The following DAB2IP variants were observed in gnomAD, a reference collection of about 807,000 sequenced individuals.
The protein encoded by DAB2IP is disabled homolog 2-interacting protein.
In DAB2IP, 28 loss-of-function variants were observed where a neutral mutation model predicts 107.2. That is an observed-to-expected ratio of 0.26 (90% CI 0.19 to 0.36). The LOEUF (loss-of-function observed/expected upper bound fraction) is 0.36. DAB2IP is among the 10% of genes least tolerant of loss of function. The pLI is 1.00. For synonymous variants in DAB2IP, 755 were observed against 706.4 expected (o/e 1.07, Z -1.09); for missense variants, 1,400 against 1,644.7 (o/e 0.85, Z 2.57).
chr9:121,764,449 G>A lies in DAB2IP; in HGVS notation c.1460+570G>A, dbSNP rs377719743. ...CTTAGACAGGCCCCTCAGCAGGACC[G>A]GAATCAGTCCCGGAGAAACTTGCGG... On this transcript the variant is annotated intron_variant, in intron 8 of 15. Coordinates refer to ENST00000408936, the Ensembl canonical transcript of DAB2IP. Among the ~76,000 whole-genome samples the A allele has an allele frequency of 3.9e-5, 6 of 152,360 alleles. No individual in the cohort carries two copies. In the East Asian group the frequency reaches 9.6e-4, roughly 24 times the overall value.
Position 121,782,831 on chromosome 9 carries a change from C to T in DAB2IP, c.*333C>T. On this transcript the variant is annotated 3_prime_UTR_variant, in exon 16 of 16. Transcript: ENST00000408936. This position sits in a 1 kb window ranked among gnomAD's most constrained non-coding sequence, Gnocchi z 6.1. ...TGTGTCCTTGTCCTCCTGGATCTGG[C>T]CGAGTGCATGTGTCCCCCCACACCT... is the stretch of plus-strand genomic sequence containing the variant. 8.9e-7 allele frequency: 1 copy of T among 1,126,468 alleles called. No homozygotes were observed. Among genetic ancestry groups the T allele is most frequent in the Non-Finnish European group, 1.1e-6 (1 of 917,046 alleles). 69.8% of individuals were successfully genotyped at this position (1,126,468 alleles called of 1,614,324 possible).
At chr9:121,656,333 C>T (rs1468545506) in intron 1 of DAB2IP, among the ~76,000 whole-genome samples, 6 of 152,148 alleles carry the variant, frequency 3.9e-5, no homozygotes, top group Non-Finnish European at 7.3e-5. Context: ...ATAAGGTCTG[C>T]AAGAGGCCTC....
chr9:121,629,419 C>T (rs1047669076), intron 1 of DAB2IP, among the ~76,000 whole-genome samples: 2 of 152,144 alleles, frequency 1.3e-5, no homozygotes, highest in South Asian at 2.1e-4. Flanking sequence ...TGGGTGTGTC[C>T]TCATGGCGCC....
At chr9:121,781,498 C>T in exon 15 of DAB2IP, 1 of 1,614,046 alleles carries the variant, frequency 6.2e-7, no homozygotes, top group East Asian at 2.2e-5. Flanking sequence ...GAAGAAGGAC[C>T]ACGCAGAGAT....
At chr9:121,578,448 G>A (rs532823897) in intron 1 of DAB2IP, among the ~76,000 whole-genome samples, 56 of 151,816 alleles carry the variant, frequency 3.7e-4, no homozygotes, top group Non-Finnish European at 4.9e-4. Flanking sequence ...GGCCTACCGT[G>A]CCCGGCAGCA....
rs549488708 is a variant in DAB2IP, at chr9:121,623,009, C to T, written c.41-55669C>T. ...GCATGTGGGTGCCTGGGGGTGTGCA[C>T]GTGGGGCACCCTGGGTCCTATCTGC... On this transcript the variant is annotated intron_variant, in intron 1 of 16. Coordinates refer to the DAB2IP transcript ENST00000259371. 5.3e-5 allele frequency among the ~76,000 whole-genome samples: 8 copies of T among 152,308 alleles called. No individual in the cohort carries two copies. The East Asian group carries it at 7.7e-4, about 15-fold the overall frequency.
chr9:121,690,837 G>A (rs1186478755), intron 2 of DAB2IP, among the ~76,000 whole-genome samples: 1 of 152,150 alleles, frequency 6.6e-6, no homozygotes, highest in Non-Finnish European at 1.5e-5. Context: ...AGGTGGTGGT[G>A]TATAACTTGG....
At chr9:121,668,767 G>A (rs1018718592) in intron 1 of DAB2IP, among the ~76,000 whole-genome samples, 2 of 152,048 alleles carry the variant, frequency 1.3e-5, no homozygotes, top group African/African-American at 2.4e-5. Context: ...CAAAGAGAAC[G>A]TCTGATAACA....
intron 1 of DAB2IP, among the ~76,000 whole-genome samples, chr9:121,623,517 C>T (rs756147944): frequency 1.3e-5 from 2 of 151,966 alleles, no homozygotes; most frequent in Non-Finnish European, 2.9e-5. Flanking sequence ...CAAGCATGCA[C>T]CACCACACCT....
chr9:121,610,261 C>T (rs933830937), intron 1 of DAB2IP, among the ~76,000 whole-genome samples: 5 of 152,184 alleles, frequency 3.3e-5, no homozygotes, highest in Non-Finnish European at 5.9e-5. Context: ...ATTTGCTCTG[C>T]CTCACATTGG....
chr9:121,586,822 T>G (rs533223225), intron 1 of DAB2IP, among the ~76,000 whole-genome samples: 2 of 151,632 alleles, frequency 1.3e-5, no homozygotes, highest in East Asian at 3.9e-4. Context: ...AAAAAAAAAT[T>G]GCAGTGACCT....
At chr9:121,708,026 T>TA (rs1338917077) in intron 3 of DAB2IP, among the ~76,000 whole-genome samples, 2 of 152,292 alleles carry the variant, frequency 1.3e-5, no homozygotes, top group East Asian at 3.9e-4. Context: ...GGACACCTGA[T>TA]AAAATGCAGA....
At chr9:121,598,824 C>T (rs570140104) in intron 1 of DAB2IP, among the ~76,000 whole-genome samples, 4 of 152,386 alleles carry the variant, frequency 2.6e-5, no homozygotes, top group African/African-American at 9.6e-5. Context: ...CCCGCCACCA[C>T]GGTCCGAAAA....
intron 1 of DAB2IP, among the ~76,000 whole-genome samples, chr9:121,653,526 T>C (rs908674046): frequency 6.6e-6 from 1 of 152,158 alleles, no homozygotes; most frequent in Non-Finnish European, 1.5e-5. Flanking sequence ...ACCTGCCGTA[T>C]GTGGAGGATT....
chr9:121,781,607 G>GC, intron 15 of DAB2IP, 56 bp downstream of exon 15: 2 of 1,520,702 alleles, frequency 1.3e-6, no homozygotes, highest in African/African-American at 4.2e-5. Context: ...GGGATTAGGA[G>GC]GGGTGACTAG....
At chr9:121,758,856 T>C in intron 4 of DAB2IP, 42 bp from the exon 5 acceptor site, 1 of 1,579,276 alleles carries the variant, frequency 6.3e-7, no homozygotes, top group South Asian at 1.1e-5. Flanking sequence ...GCCCTTGCTG[T>C]GGTCCCTTCC....
chr9:121,731,422 G>A (rs1831533554), intron 3 of DAB2IP, among the ~76,000 whole-genome samples: 1 of 152,250 alleles, frequency 6.6e-6, no homozygotes, highest in Non-Finnish European at 1.5e-5. Context: ...GAGAAACATT[G>A]GGAGGAAACC....
Position 121,763,567 on chromosome 9 carries a change from C to T in DAB2IP, c.1233C>T (p.Ile411=), listed in dbSNP as rs777697812. 4 of 1,613,956 alleles carry T rather than the reference C, an allele frequency of 2.5e-6. No homozygotes were observed. The Admixed American group carries it at 6.7e-5, about 27-fold the overall frequency. Residue 411 remains isoleucine (I), a synonymous_variant, in exon 7 of 16, where the codon ATC becomes ATT. Transcript: ENST00000408936. Reference sequence around the variant, plus strand: ...GCTGCGGGGACAACGAGCACCTCATCTTCCGGGAGAACACACTGGCCACCA... The same window carrying T: ...GCTGCGGGGACAACGAGCACCTCATTTTCCGGGAGAACACACTGGCCACCA...
chr9:121,654,173 T>TTC (rs1218761140), intron 1 of DAB2IP, among the ~76,000 whole-genome samples: 6 of 152,254 alleles, frequency 3.9e-5, no homozygotes, highest in Admixed American at 1.3e-4. Context: ...AGCTACTGTC[T>TTC]TCTCTCTGGA....
Sources: gnomAD v4.1 joint callset for allele counts (sites outside exome capture counted in the v4.1 genomes callset) on GRCh38, gnomAD v4.1.1 for gene constraint, Gnocchi (gnomAD v3.1) non-coding constraint, MANE v1.5 for transcripts, NCBI Gene and HGNC (gene_info 2026-07-23, HGNC 2026-07-21) for gene names.